DMD: variants seen among roughly 807,000 people sequenced by gnomAD.
DMD encodes the protein dystrophin.
DMD carries 63 observed loss-of-function variants against 330.1 expected under a neutral mutation model. The ratio of observed to expected loss-of-function variants is 0.19; its 90% CI spans 0.16 to 0.24. The LOEUF is 0.24. DMD is among the 10% of genes least tolerant of loss of function. The pLI is 1.00. For synonymous variants in DMD, 1,223 were observed against 959.8 expected (o/e 1.27, Z -5.07); for missense variants, 3,344 against 2,684.1 (o/e 1.25, Z -5.43).
chrX:33,294,444 C>A (rs112899896), intron 1 of DMD, among the ~76,000 whole-genome samples: 4 of 111,152 alleles, frequency 3.6e-5, no homozygotes, highest in Admixed American at 9.7e-5. Context: ...TTCACCCCAA[C>A]CTTCAGGACT....
At chrX:32,339,608 C>T (rs912251211) in intron 41 of DMD, among the ~76,000 whole-genome samples, 2 of 111,517 alleles carry the variant, frequency 1.8e-5, no homozygotes, top group Non-Finnish European at 3.8e-5. Flanking sequence ...TTTATTACTA[C>T]CATATATAGC....
chrX:33,329,764 C>T (rs987983220), intron 1 of DMD, among the ~76,000 whole-genome samples: 1 of 111,619 alleles, frequency 9.0e-6, no homozygotes, highest in African/African-American at 3.3e-5. Context: ...AGAGTATTGA[C>T]TAGGAAGTGG....
chrX:32,088,069 A>G (rs902962073), intron 44 of DMD, among the ~76,000 whole-genome samples: 1 of 112,471 alleles, frequency 8.9e-6, no homozygotes, highest in African/African-American at 3.2e-5. Context: ...TCGTTCAACA[A>G]TCCATTAGCA....
In DMD at chrX:32,805,298, C is replaced by T. The variant is rs1459443047; in HGVS notation, c.649+4195G>A. Among the ~76,000 whole-genome samples, 3 of 111,733 alleles carry T rather than the reference C, an allele frequency of 2.7e-5. No homozygotes were observed. In the East Asian group the frequency reaches 8.4e-4, roughly 31 times the overall value. On this transcript the variant is annotated intron_variant, in intron 7 of 78. Coordinates refer to ENST00000357033, the MANE Select transcript of DMD (RefSeq NM_004006.3). ...CCTGATGGAACTGAAAAACACAGCA[C>T]AACAACTTCATGAAGCATACACAAG... is the stretch of plus-strand genomic sequence containing the variant.
chrX:32,757,323 T>C (rs2071626927), intron 7 of DMD, among the ~76,000 whole-genome samples: 1 of 111,946 alleles, frequency 8.9e-6, no homozygotes, highest in African/African-American at 3.2e-5. Flanking sequence ...TAACAAGTTA[T>C]ATGATTCAGG....
At chrX:33,108,881 A>AAAAAAAAAAAAAAAAAAAAAAAAAAG (rs1201118214) in intron 1 of DMD, among the ~76,000 whole-genome samples, 3 of 99,687 alleles carry the variant, frequency 3.0e-5, no homozygotes, top group Non-Finnish European at 4.1e-5. Context: ...AAAAAAAAAA[A>AAAAAAAAAAAAAAAAAAAAAAAAAAG]AAGAAGAAGA....
At chrX:32,005,890 T>G (rs928720834) in intron 44 of DMD, among the ~76,000 whole-genome samples, 1 of 111,496 alleles carries the variant, frequency 9.0e-6, no homozygotes, top group Non-Finnish European at 1.9e-5. Flanking sequence ...TATAAATAAT[T>G]TCCTGACAAG....
In DMD at chrX:31,688,296, G is replaced by A. The variant is rs746362031; in HGVS notation, c.7661-8710C>T. On this transcript the variant is annotated intron_variant, in intron 52 of 78. Coordinates refer to ENST00000357033, the MANE Select transcript of DMD (RefSeq NM_004006.3). The stretch of plus-strand genomic sequence containing the variant: ...AAATGATAAAGGGGATATCACCACC[G>A]ACACCACAGAAATACAAACTACCAT... Among the ~76,000 whole-genome samples, 696 of 110,286 alleles carry A rather than the reference G, an allele frequency of 6.3e-3. 3 individuals are homozygous for A. Among genetic ancestry groups the A allele is most frequent in the Admixed American group, 9.7e-3 (101 of 10,390 alleles).
intron 74 of DMD, among the ~76,000 whole-genome samples, chrX:31,151,272 C>G (rs2037381445): frequency 8.9e-6 from 1 of 112,564 alleles, no homozygotes; most frequent in Non-Finnish European, 1.9e-5. Flanking sequence ...ATTTTTCCCT[C>G]TTCATTAAAA....
chrX:31,138,916 T>C (rs2035683932), intron 76 of DMD, among the ~76,000 whole-genome samples: 1 of 111,634 alleles, frequency 9.0e-6, no homozygotes, highest in African/African-American at 3.3e-5. Context: ...ATAATACCTG[T>C]CATCACAAGC....
chrX:31,799,816 C>A (rs2091982627), intron 50 of DMD, among the ~76,000 whole-genome samples: 1 of 112,300 alleles, frequency 8.9e-6, no homozygotes, highest in African/African-American at 3.2e-5. Context: ...GGTAAATACA[C>A]CTGTTCCGAA....
At chrX:32,845,228 T>A (rs2080550976) in intron 3 of DMD, among the ~76,000 whole-genome samples, 1 of 111,926 alleles carries the variant, frequency 8.9e-6, no homozygotes, top group African/African-American at 3.2e-5. Flanking sequence ...TAGAAAAATC[T>A]AAAGGAGATT....
chrX:32,229,260 G>A (rs2097159081), intron 43 of DMD, among the ~76,000 whole-genome samples: 1 of 110,185 alleles, frequency 9.1e-6, no homozygotes, highest in South Asian at 3.9e-4. Context: ...CAAAGGAATG[G>A]ATTAATAAAT....
chrX:33,226,027 ACT>A (rs1475667393), intron 1 of DMD, among the ~76,000 whole-genome samples: 3 of 111,323 alleles, frequency 2.7e-5, no homozygotes, highest in African/African-American at 6.5e-5. Context: ...ATACGATATA[ACT>A]CTGTGCATAT....
intron 42 of DMD, 37 bp from the exon 43 acceptor site, chrX:32,287,738 A>G: frequency 2.0e-6 from 2 of 986,917 alleles, no homozygotes; most frequent in South Asian, 2.2e-5. Flanking sequence ...AAAAAAATGA[A>G]TTAGCTGTCT....
chrX:32,708,838 A>T (rs2064926084), intron 7 of DMD, among the ~76,000 whole-genome samples: 1 of 111,747 alleles, frequency 8.9e-6, no homozygotes, highest in African/African-American at 3.3e-5. Context: ...ACATCAGAAT[A>T]AGGGGTTCAG....
intron 1 of DMD, among the ~76,000 whole-genome samples, chrX:33,264,368 AG>A (rs1293476015): frequency 2.7e-5 from 3 of 111,635 alleles, no homozygotes; most frequent in African/African-American, 9.7e-5. Context: ...AAGATTAGAA[AG>A]ATGTGTTCTA....
intron 9 of DMD, among the ~76,000 whole-genome samples, chrX:32,685,062 A>G (rs1345989461): frequency 1.8e-5 from 2 of 111,659 alleles, no homozygotes; most frequent in African/African-American, 3.2e-5. Context: ...AAGAGCTTAT[A>G]AAAACTTTAT....
intron 7 of DMD, among the ~76,000 whole-genome samples, chrX:32,784,366 C>G (rs1233407183): frequency 9.0e-6 from 1 of 111,602 alleles, no homozygotes; most frequent in Non-Finnish European, 1.9e-5. Flanking sequence ...ATCCATTGCT[C>G]AAACCTAAGG....
Sources: gnomAD v4.1 joint callset for allele counts (sites outside exome capture counted in the v4.1 genomes callset) on GRCh38, gnomAD v4.1.1 for gene constraint, MANE v1.5 for transcripts, NCBI Gene and HGNC (gene_info 2026-07-23, HGNC 2026-07-21) for gene names.